The following COPG1 variants were observed in gnomAD, a reference collection of about 807,000 sequenced individuals.
COPG1 encodes coat protein complex I subunit gamma 1, also known as coatomer subunit gamma-1.
A neutral mutation model predicts 102.8 loss-of-function variants in COPG1; 29 were observed. The observed-to-expected ratio is 0.28, with a 90% CI of 0.21 to 0.38. The LOEUF (loss-of-function observed/expected upper bound fraction) is 0.38. COPG1 is among the 10% of genes least tolerant of loss of function. The probability of loss-of-function intolerance (pLI) is 1.00; values close to 1 mark genes in which losing one functional copy is unlikely to be tolerated. For missense variants in COPG1, 875 were observed against 1,132.7 expected (o/e 0.77, Z 3.27); for synonymous variants, 406 against 421.6 (o/e 0.96, Z 0.45).
In COPG1 at chr3:129,249,616, C is replaced by G; in HGVS notation, c.-94C>G. The G allele has an allele frequency of 7.0e-7, 1 of 1,429,618 alleles. No homozygotes were observed. Among genetic ancestry groups the G allele is most frequent in the Non-Finnish European group, 9.6e-7 (1 of 1,046,662 alleles). 88.6% of individuals were successfully genotyped at this position (1,429,618 alleles called of 1,614,324 possible). A position where few individuals can be genotyped will look rare whatever the true frequency, so the allele number is the denominator to read the frequency against. ...CTGGGCGACGTGGCCAGTCGGGGCC[C>G]GGAAGTGGTCCCTGTAGAACCACTG... On this transcript the variant is annotated 5_prime_UTR_variant, in exon 1 of 24. Coordinates refer to ENST00000314797, the MANE Select transcript of COPG1 (RefSeq NM_016128.4).
intron 3 of COPG1, 99 bp downstream of exon 3, chr3:129,252,460 G>A (rs1441577336): frequency 1.9e-6 from 2 of 1,070,698 alleles, no homozygotes; most frequent in African/African-American, 3.1e-5. Flanking sequence ...CAGCCTCTGT[G>A]TGGCTGTAGA....
intron 15 of COPG1, chr3:129,267,343 C>T (rs558530864): frequency 3.8e-5 from 13 of 339,284 alleles, no homozygotes; most frequent in East Asian, 7.5e-5. Context: ...CTATTGAAGC[C>T]GGGCATAGTG....
chr3:129,259,332 G>A (rs1033097503), intron 10 of COPG1, among the ~76,000 whole-genome samples: 9 of 151,992 alleles, frequency 5.9e-5, no homozygotes, highest in East Asian at 5.8e-4. Context: ...GTGGTGGTGC[G>A]CATCTGTAAT....
chr3:129,250,616 C>T (rs745671291), intron 1 of COPG1, 66 bp from the exon 2 acceptor site: 1 of 1,295,120 alleles, frequency 7.7e-7, no homozygotes, highest in Admixed American at 1.7e-5. Flanking sequence ...CTTCCCTTTA[C>T]CTATGTCTGG....
chr3:129,251,576 T>C (rs2107672054), intron 2 of COPG1, among the ~76,000 whole-genome samples: 2 of 151,744 alleles, frequency 1.3e-5, no homozygotes, highest in Admixed American at 1.3e-4. Context: ...AGAGATGAGG[T>C]TTCACGATGT....
intron 16 of COPG1, 100 bp downstream of exon 16, chr3:129,268,140 TGGACTTGC>T: frequency 9.9e-7 from 1 of 1,012,274 alleles, no homozygotes. Context: ...TGCTCTTGGC[TGGACTTGC>T]CTGGCAACCT....
At position 129,252,886 on chromosome 3, in the gene COPG1, G is replaced by A. The variant is rs753942162; in HGVS notation, c.254G>A (p.Arg85His). ...KLFQSNDPTL[R>H]RMCYLTIKEM... Reference sequence around the variant, plus strand: ...CCACCTATCTCCCAGCCCACACTCCGTCGGATGTGCTACTTGACCATCAAG... The same window carrying A: ...CCACCTATCTCCCAGCCCACACTCCATCGGATGTGCTACTTGACCATCAAG... The change falls in exon 5 of 24, where the codon CGT becomes CAT. Residue 85 changes from arginine (R) to histidine (H), a missense_variant. Arg to His is a conservative substitution (Grantham distance 29, BLOSUM62 0). Transcript: ENST00000314797. 9 of 1,614,062 alleles carry A rather than the reference G, an allele frequency of 5.6e-6. No individual in the cohort carries two copies. Among genetic ancestry groups the A allele is most frequent in the South Asian group, 2.2e-5 (2 of 91,094 alleles).
Position 129,277,318 on chromosome 3 carries a change from T to C in COPG1, c.2519T>C (p.Ile840Thr). 1 of 1,614,048 alleles carries C rather than the reference T, an allele frequency of 6.2e-7. No homozygotes were observed. The highest frequency in any genetic ancestry group is 8.5e-7 in the Non-Finnish European group (1 of 1,179,984). Residue 840 changes from isoleucine to threonine, a missense_variant, in exon 24 of 24, where the codon ATC becomes ACC. Coordinates refer to ENST00000314797, the MANE Select transcript of COPG1 (RefSeq NM_016128.4). Reference protein sequence around the residue: ...LAGVFRGGHDILVRSRLLLLD... With the variant: ...LAGVFRGGHDTLVRSRLLLLD... ...GGTGTGTTCCGGGGTGGTCATGACA[T>C]CCTGGTGCGCTCCCGGCTGCTGCTT...
chr3:129,267,471 A>C (rs888740358), intron 15 of COPG1, among the ~76,000 whole-genome samples: 1 of 152,152 alleles, frequency 6.6e-6, no homozygotes, highest in Non-Finnish European at 1.5e-5. Flanking sequence ...AATATAAAAA[A>C]TTAGCCAGGT....
intron 3 of COPG1, 31 bp downstream of exon 3, chr3:129,252,392 A>G (rs772552568): frequency 2.0e-5 from 30 of 1,484,472 alleles, no homozygotes; most frequent in Non-Finnish European, 2.7e-5. Flanking sequence ...GGTAGGGAGA[A>G]TGGTGCTGGG....
chr3:129,267,125 T>G (rs1217657004), intron 15 of COPG1, 26 bp downstream of exon 15: 3 of 1,578,106 alleles, frequency 1.9e-6, no homozygotes, highest in Non-Finnish European at 2.6e-6. Context: ...GGGGCCCTAA[T>G]GGGGACAGTG....
At chr3:129,269,449 G>A (rs9784239) in intron 18 of COPG1, among the ~76,000 whole-genome samples, 10,171 of 152,180 alleles carry the variant, frequency 0.067, 1,097 homozygotes, top group African/African-American at 0.23. Flanking sequence ...GAGGCTGTGT[G>A]TCTAATTGCA....
intron 21 of COPG1, chr3:129,274,045 C>T (rs1390193166): frequency 2.2e-6 from 1 of 456,064 alleles, no homozygotes; most frequent in Admixed American, 2.3e-5. Flanking sequence ...AACTGACATT[C>T]GCCATTGTGT....
chr3:129,268,178 C>T, intron 16 of COPG1, 138 bp downstream of exon 16: 2 of 731,428 alleles, frequency 2.7e-6, no homozygotes, highest in Non-Finnish European at 4.7e-6. Context: ...ATGGTGACCT[C>T]AGGAGGTCCC....
intron 1 of COPG1, 74 bp downstream of exon 1, chr3:129,249,820 T>G: frequency 6.7e-7 from 1 of 1,491,804 alleles, no homozygotes; most frequent in Non-Finnish European, 9.1e-7. Context: ...TTCTCTGTCC[T>G]GACCCGGAGG....
At chr3:129,250,262 T>C (rs779469449) in intron 1 of COPG1, among the ~76,000 whole-genome samples, 1 of 152,190 alleles carries the variant, frequency 6.6e-6, no homozygotes, top group African/African-American at 2.4e-5. Flanking sequence ...CTAGGAATAT[T>C]AGAATGGTTG....
rs1940236120 is a variant in COPG1 at position 129,274,834 on chromosome 3, C to T, written c.2257-4C>T. 6.2e-7 allele frequency: 1 copy of T among 1,613,920 alleles called. No individual in the cohort carries two copies. Among genetic ancestry groups the T allele is most frequent in the South Asian group, 1.1e-5 (1 of 91,070 alleles). On this transcript the variant is annotated splice_region_variant and splice_polypyrimidine_tract_variant and intron_variant, in intron 21 of 23. Coordinates refer to ENST00000314797, the MANE Select transcript of COPG1 (RefSeq NM_016128.4). ...GTGCCTGATTTCTACCTCCATCTCT[C>T]CAGCTGGAAGATCTGGAAGTTACTG...
Position 129,252,692 on chromosome 3 carries a change from G to A in COPG1, c.241G>A (p.Asp81Asn). 6.2e-7 allele frequency: 1 copy of A among 1,613,952 alleles called. No homozygotes were observed. Among genetic ancestry groups the A allele is most frequent in the Non-Finnish European group, 8.5e-7 (1 of 1,179,806 alleles). Reference sequence around the variant, plus strand: ...CATGACCAAGCTCTTTCAGTCCAATGATGTAAGTGCCTCAACCCAGCTTTC... The same window carrying A: ...CATGACCAAGCTCTTTCAGTCCAATAATGTAAGTGCCTCAACCCAGCTTTC... ...FAMTKLFQSN[D>N]PTLRRMCYLT... is the part of the protein sequence containing the mutation. The change falls in exon 4 of 24, where the codon GAT becomes AAT. Residue 81 changes from aspartate to asparagine, a missense_variant and splice_region_variant. Coordinates refer to ENST00000314797, the MANE Select transcript of COPG1 (RefSeq NM_016128.4).
At chr3:129,264,164 G>A (rs549324092) in intron 13 of COPG1, among the ~76,000 whole-genome samples, 165 bp downstream of exon 13, 29 of 152,140 alleles carry the variant, frequency 1.9e-4, no homozygotes, top group Non-Finnish European at 3.1e-4. Context: ...ATGTAAACAC[G>A]TACCAATTGC....
Sources: gnomAD v4.1 joint callset for allele counts (sites outside exome capture counted in the v4.1 genomes callset) on GRCh38, gnomAD v4.1.1 for gene constraint, MANE v1.5 for transcripts, NCBI Gene and HGNC (gene_info 2026-07-23, HGNC 2026-07-21) for gene names.